MACROD2: variants seen among roughly 807,000 people sequenced by gnomAD.
The protein encoded by MACROD2 is mono-ADP ribosylhydrolase 2, also known as ADP-ribose glycohydrolase MACROD2.
In MACROD2, 36 loss-of-function variants were observed where a neutral mutation model predicts 70.4. The observed-to-expected ratio is 0.51, with a 90% CI of 0.39 to 0.68. The LOEUF (loss-of-function observed/expected upper bound fraction) is 0.68. Ranked by LOEUF, MACROD2 falls within the 30% of genes least tolerant of loss-of-function variation. The pLI, the probability that MACROD2 is intolerant of heterozygous loss-of-function variation, is 0.00. For missense variants in MACROD2, 496 were observed against 538.4 expected, an observed-to-expected ratio of 0.92 and a Z score of 0.78; for synonymous variants, 172 against 178.8, an observed-to-expected ratio of 0.96 and a Z score of 0.30.
chr20:15,763,169 C>T (rs957923751), intron 8 of MACROD2, among the ~76,000 whole-genome samples: 5 of 152,080 alleles, frequency 3.3e-5, no homozygotes, highest in South Asian at 4.2e-4. Flanking sequence ...GGACCCTCTG[C>T]GCACCGCCAC....
At chr20:14,729,538 G>GT (rs2071569313) in intron 5 of MACROD2, among the ~76,000 whole-genome samples, 1 of 152,104 alleles carries the variant, frequency 6.6e-6, no homozygotes, top group South Asian at 2.1e-4. Flanking sequence ...CTCTGTGGGG[G>GT]TAAGAACCAA....
chr20:15,138,645 TG>T (rs1221122738), intron 5 of MACROD2, among the ~76,000 whole-genome samples: 7 of 152,310 alleles, frequency 4.6e-5, no homozygotes, highest in Middle Eastern at 3.4e-3. Flanking sequence ...TAGTGCATAC[TG>T]GGGGTGCTCT....
Position 15,871,817 on chromosome 20 carries a change from T to C in MACROD2, c.727+8991T>C, listed in dbSNP as rs111817035. 3.2e-3 allele frequency among the ~76,000 whole-genome samples: 492 copies of C among 152,304 alleles called. 2 individuals are homozygous for C. Among genetic ancestry groups the C allele is most frequent in the African/African-American group, 0.011 (461 of 41,564 alleles). On this transcript the variant is annotated intron_variant, in intron 9 of 17. Coordinates refer to ENST00000684519, the MANE Select transcript of MACROD2 (RefSeq NM_001351661.2). ...AGCCCTGACTGAGAAATTTTGACAC[T>C]CTTGTCAATGTATTATGCAATTGAG...
chr20:15,789,913 T>G (rs549142186), intron 8 of MACROD2, among the ~76,000 whole-genome samples: 1 of 152,086 alleles, frequency 6.6e-6, no homozygotes, highest in Non-Finnish European at 1.5e-5. Context: ...ATGAAACTCG[T>G]TGATGAATAA....
intron 3 of MACROD2, among the ~76,000 whole-genome samples, chr20:14,391,788 G>A (rs567509851): frequency 1.4e-5 from 2 of 145,458 alleles, no homozygotes; most frequent in South Asian, 4.6e-4. Flanking sequence ...TGGACATAAA[G>A]ATGGCAACAA....
chr20:15,890,641 A>T (rs951085357), intron 10 of MACROD2, among the ~76,000 whole-genome samples: 1 of 152,162 alleles, frequency 6.6e-6, no homozygotes, highest in Admixed American at 6.5e-5. Flanking sequence ...ATAACCTTAG[A>T]TGTGACTGAC....
At chr20:15,398,308 G>T (rs2045886246) in intron 6 of MACROD2, among the ~76,000 whole-genome samples, 1 of 152,152 alleles carries the variant, frequency 6.6e-6, no homozygotes, top group African/African-American at 2.4e-5. Context: ...TTTTATAGAA[G>T]AAATTGAGGT....
At chr20:14,840,522 C>T (rs2073076099) in intron 5 of MACROD2, among the ~76,000 whole-genome samples, 1 of 152,092 alleles carries the variant, frequency 6.6e-6, no homozygotes, top group South Asian at 2.1e-4. Context: ...CAGGCCTGAG[C>T]CCCCATGCCC....
intron 2 of MACROD2, among the ~76,000 whole-genome samples, chr20:14,058,609 A>G (rs1387885856): frequency 2.1e-5 from 3 of 143,124 alleles, no homozygotes; most frequent in Admixed American, 6.9e-5. Flanking sequence ...GAGGAGTTCT[A>G]TTCATTTTTC....
chr20:15,314,814 A>G (rs1207539498), intron 6 of MACROD2, among the ~76,000 whole-genome samples: 2 of 152,230 alleles, frequency 1.3e-5, no homozygotes, highest in East Asian at 3.8e-4. Context: ...TTATCTGGGA[A>G]ACTAAATCAT....
At chr20:15,364,068 C>T (rs1170987448) in intron 6 of MACROD2, among the ~76,000 whole-genome samples, 1 of 152,082 alleles carries the variant, frequency 6.6e-6, no homozygotes, top group South Asian at 2.1e-4. Context: ...ATTTAAATTT[C>T]CAGATGTGAG....
chr20:15,738,276 T>A (rs1356107742), intron 8 of MACROD2, among the ~76,000 whole-genome samples: 1 of 152,200 alleles, frequency 6.6e-6, no homozygotes, highest in Non-Finnish European at 1.5e-5. Context: ...ACGCATTGCA[T>A]GCCTGTATCA....
At chr20:14,568,439 A>G (rs1278186861) in intron 4 of MACROD2, among the ~76,000 whole-genome samples, 1 of 152,042 alleles carries the variant, frequency 6.6e-6, no homozygotes, top group Non-Finnish European at 1.5e-5. Flanking sequence ...AGTACCTTTT[A>G]ACATCCTTCT....
intron 10 of MACROD2, among the ~76,000 whole-genome samples, chr20:15,900,096 G>A (rs546682788): frequency 6.6e-6 from 1 of 152,172 alleles, no homozygotes; most frequent in South Asian, 2.1e-4. Context: ...CTTTCAGAAT[G>A]CCATGCAGCA....
intron 5 of MACROD2, among the ~76,000 whole-genome samples, chr20:15,050,296 T>C (rs2123050050): frequency 6.6e-6 from 1 of 152,272 alleles, no homozygotes; most frequent in Non-Finnish European, 1.5e-5. Context: ...AAGCACTCAA[T>C]ACAGCATACC....
intron 8 of MACROD2, among the ~76,000 whole-genome samples, chr20:15,748,383 C>CCTTT (rs200211336): frequency 7.2e-5 from 11 of 151,950 alleles, no homozygotes; most frequent in South Asian, 4.2e-4. Flanking sequence ...TTCCTTCTTT[C>CCTTT]CTTTCTTTCT....
chr20:14,951,590 G>T (rs775838399), intron 5 of MACROD2, among the ~76,000 whole-genome samples: 1 of 152,136 alleles, frequency 6.6e-6, no homozygotes, highest in African/African-American at 2.4e-5. Context: ...AGGCACTGCT[G>T]TAGGACTCCG....
chr20:15,673,795 A>G (rs6110723), intron 8 of MACROD2, among the ~76,000 whole-genome samples: 26,244 of 150,788 alleles, frequency 0.17, 3,020 homozygotes, highest in Non-Finnish European at 0.25. Context: ...AAAAAAAAAA[A>G]CAGCCCTGAT....
At chr20:14,786,236 G>GAGAGAGAGAGAGAA (rs1600662596) in intron 5 of MACROD2, among the ~76,000 whole-genome samples, 1 of 151,256 alleles carries the variant, frequency 6.6e-6, no homozygotes, top group East Asian at 1.9e-4. Context: ...GAGAGAGAGA[G>GAGAGAGAGAGAGAA]AATATGAGGG....
Sources: gnomAD v4.1 joint callset for allele counts (sites outside exome capture counted in the v4.1 genomes callset) on GRCh38, gnomAD v4.1.1 for gene constraint, MANE v1.5 for transcripts, NCBI Gene and HGNC (gene_info 2026-07-23, HGNC 2026-07-21) for gene names.